The following ANO3 variants were observed in gnomAD, a reference collection of about 807,000 sequenced individuals.
ANO3 encodes anoctamin 3, also known as anoctamin-3.
A neutral mutation model predicts 144.8 loss-of-function variants in ANO3; 99 were observed. The ratio of observed to expected loss-of-function variants is 0.68; its 90% CI spans 0.58 to 0.81. ANO3 has a LOEUF of 0.81. ANO3 is among the 30% of genes least tolerant of loss of function. ANO3 has a pLI of 0.00. For missense variants in ANO3, 905 were observed against 1,202.2 expected (o/e 0.75, Z 3.66); for synonymous variants, 414 against 392.6 (o/e 1.05, Z -0.64).
intron 24 of ANO3, among the ~76,000 whole-genome samples, chr11:26,653,372 C>T (rs80291955): frequency 0.036 from 5,523 of 152,128 alleles, 125 homozygotes; most frequent in African/African-American, 0.056. Flanking sequence ...CCCCACACAA[C>T]CCACTGGAAA....
chr11:26,594,496 A>C (rs1851550844), intron 14 of ANO3, among the ~76,000 whole-genome samples: 1 of 152,140 alleles, frequency 6.6e-6, no homozygotes, highest in African/African-American at 2.4e-5. Flanking sequence ...CTGAGAATTC[A>C]CCTAGGTCTA....
At chr11:26,395,275 T>G (rs1856981626) in intron 1 of ANO3, among the ~76,000 whole-genome samples, 1 of 146,880 alleles carries the variant, frequency 6.8e-6, no homozygotes, top group Admixed American at 6.7e-5. Flanking sequence ...TATGGTTCCA[T>G]ATGAAATTTC....
intron 1 of ANO3, among the ~76,000 whole-genome samples, chr11:26,420,924 C>G (rs1857733277): frequency 6.6e-6 from 1 of 151,926 alleles, no homozygotes; most frequent in Admixed American, 6.6e-5. Flanking sequence ...CAAAGTATTA[C>G]AAAGGAAGTT....
chr11:26,608,672 G>T (rs73434383), intron 17 of ANO3, among the ~76,000 whole-genome samples: 12 of 152,058 alleles, frequency 7.9e-5, no homozygotes, highest in African/African-American at 1.2e-4. Context: ...GAGAGGCCTC[G>T]CCCAGTGAGG....
intron 10 of ANO3, 105 bp downstream of exon 10, chr11:26,537,566 AG>A: frequency 1.0e-6 from 1 of 964,944 alleles, no homozygotes; most frequent in Non-Finnish European, 1.7e-6. Flanking sequence ...AGGAGGATTC[AG>A]TCTGCAAGTA....
chr11:26,299,480 C>A (rs541007065), intron 1 of ANO3, among the ~76,000 whole-genome samples: 1 of 151,534 alleles, frequency 6.6e-6, no homozygotes, highest in East Asian at 1.9e-4. Flanking sequence ...ACTAGTGGAG[C>A]AAAAGGCAAC....
chr11:26,272,639 A>G (rs1236738870), intron 1 of ANO3, among the ~76,000 whole-genome samples: 2 of 152,174 alleles, frequency 1.3e-5, no homozygotes, highest in East Asian at 3.9e-4. Context: ...CAAAAATGTC[A>G]AGATCAGGAG....
chr11:26,379,250 C>T (rs1370583523), intron 1 of ANO3, among the ~76,000 whole-genome samples: 1 of 152,096 alleles, frequency 6.6e-6, no homozygotes, highest in Non-Finnish European at 1.5e-5. Context: ...TGTAGGTGGA[C>T]CATACAGAAT....
chr11:26,465,304 A>ATAGC (rs1307400020), intron 4 of ANO3, among the ~76,000 whole-genome samples: 1 of 151,730 alleles, frequency 6.6e-6, no homozygotes, highest in Non-Finnish European at 1.5e-5. Context: ...AGATAGATAG[A>ATAGC]TAGATAGATA....
At position 26,660,404 on chromosome 11, in the gene ANO3, G is replaced by A. The variant is rs777387236; in HGVS notation, c.2906G>A (p.Arg969Gln). Residue 969 changes from arginine (R) to glutamine (Q), a missense_variant, in exon 27 of 27, where the codon CGG becomes CAG. By Grantham distance (43) the Arg-to-Gln change is conservative. Around this residue, in one of 4 missense-constraint regions of ANO3, gnomAD observed 597 missense variants for 865.1 expected, o/e 0.69. Transcript: ENST00000256737. ...GAACTGGAACATTTGCAACAACAAC[G>A]GAGAAAAAGTGGTCAGCCTGTTCAC... ...EAELEHLQQQ[R>Q]RKSGQPVHHE... 51 of 1,612,598 alleles carry A rather than the reference G, an allele frequency of 3.2e-5. No homozygotes were observed. Among genetic ancestry groups the A allele is most frequent in the Non-Finnish European group, 4.1e-5 (48 of 1,179,342 alleles).
intron 1 of ANO3, among the ~76,000 whole-genome samples, chr11:26,235,542 T>G (rs1388490420): frequency 6.6e-6 from 1 of 151,776 alleles, no homozygotes; most frequent in Non-Finnish European, 1.5e-5. Context: ...CACATATTAC[T>G]GTGAAAAAAA....
intron 5 of ANO3, among the ~76,000 whole-genome samples, chr11:26,515,319 G>C (rs1861820511): frequency 7.2e-6 from 1 of 139,808 alleles, no homozygotes; most frequent in Admixed American, 7.8e-5. Flanking sequence ...TGGAAATTCA[G>C]CATACTTTAT....
At chr11:26,259,700 T>A (rs1853142301) in intron 1 of ANO3, among the ~76,000 whole-genome samples, 1 of 152,002 alleles carries the variant, frequency 6.6e-6, no homozygotes, top group Admixed American at 6.6e-5. Flanking sequence ...TAATATTTAA[T>A]CACTAGTAGA....
At chr11:26,553,226 T>G (rs748093126) in intron 12 of ANO3, 23 bp from the exon 13 acceptor site, 2 of 1,276,648 alleles carry the variant, frequency 1.6e-6, no homozygotes, top group Non-Finnish European at 2.1e-6. Flanking sequence ...TTTGTTTTGT[T>G]TTTGTTTTTG....
At chr11:26,381,189 C>A (rs143957986) in intron 1 of ANO3, among the ~76,000 whole-genome samples, 1 of 152,016 alleles carries the variant, frequency 6.6e-6, no homozygotes, top group African/African-American at 2.4e-5. Flanking sequence ...AATGGGGTAA[C>A]GTATTAGGTA....
At chr11:26,301,323 G>A (rs73441533) in intron 1 of ANO3, among the ~76,000 whole-genome samples, 2,385 of 152,240 alleles carry the variant, frequency 0.016, 57 homozygotes, top group African/African-American at 0.055. Context: ...CCTTGGTTAG[G>A]TAATTGAGCT....
At chr11:26,648,696 G>C (rs574780787) in intron 24 of ANO3, among the ~76,000 whole-genome samples, 1 of 152,182 alleles carries the variant, frequency 6.6e-6, no homozygotes, top group Non-Finnish European at 1.5e-5. Context: ...AATGTAAGAG[G>C]GCATTGGATT....
intron 1 of ANO3, among the ~76,000 whole-genome samples, chr11:26,360,529 T>C (rs1426854831): frequency 6.6e-6 from 1 of 152,154 alleles, no homozygotes; most frequent in African/African-American, 2.4e-5. Context: ...CTTAGTTTAT[T>C]CCTGTGCCTC....
chr11:26,589,790 T>C (rs1851391473), intron 14 of ANO3, among the ~76,000 whole-genome samples: 1 of 152,252 alleles, frequency 6.6e-6, no homozygotes, highest in Non-Finnish European at 1.5e-5. Flanking sequence ...TTCTATGCTG[T>C]AGTAAACATC....
Sources: gnomAD v4.1 joint callset for allele counts (sites outside exome capture counted in the v4.1 genomes callset) on GRCh38, gnomAD v4.1.1 for gene constraint, gnomAD v4.1.1 regional missense constraint, MANE v1.5 for transcripts, NCBI Gene and HGNC (gene_info 2026-07-23, HGNC 2026-07-21) for gene names.